Variants in C1GALT1 observed in about 807,000 individuals in gnomAD.
C1GALT1 encodes glycoprotein-N-acetylgalactosamine 3-beta-galactosyltransferase 1.
C1GALT1 carries 11 observed loss-of-function variants against 31.0 expected under a neutral mutation model. The ratio of observed to expected loss-of-function variants is 0.36; its 90% CI spans 0.22 to 0.59. C1GALT1 has a LOEUF of 0.59. Ranked by LOEUF, C1GALT1 falls within the 20% of genes least tolerant of loss-of-function variation. The probability of loss-of-function intolerance (pLI) is 0.79; values close to 1 mark genes in which losing one functional copy is unlikely to be tolerated. For missense variants in C1GALT1, 424 were observed against 425.2 expected, an observed-to-expected ratio of 1.00 and a Z score of 0.03; for synonymous variants, 175 against 143.6, an observed-to-expected ratio of 1.22 and a Z score of -1.56.
At chr7:7,220,182 T>C (rs17165258) in intron 1 of C1GALT1, among the ~76,000 whole-genome samples, 9,256 of 152,280 alleles carry the variant, frequency 0.061, 345 homozygotes, top group East Asian at 0.16. Context: ...TAGCAAGCAA[T>C]TAAAATTAAT....
chr7:7,182,868 T>TC, intron 1 of C1GALT1, 48 bp downstream of exon 1: 1 of 984,014 alleles, frequency 1.0e-6, no homozygotes, highest in Non-Finnish European at 1.2e-6. Flanking sequence ...AGGTCTCGTC[T>TC]CCCCTCGCCC....
In C1GALT1 at chr7:7,238,403, A is replaced by G. The variant is rs780891272; in HGVS notation, c.369A>G (p.Ser123=). 6.8e-6 allele frequency: 11 copies of G among 1,614,102 alleles called. 1 individual carries two copies. The highest frequency in any genetic ancestry group is 8.5e-6 in the Non-Finnish European group (10 of 1,179,982). The part of the protein sequence containing the change: ...QRCNKVLFMS[S]EENKDFPAVG... ...GTAACAAAGTGTTGTTTATGAGTTC[A>G]GAAGAAAATAAAGACTTCCCTGCTG... Residue 123 remains serine (S), a synonymous_variant, in exon 3 of 4, where the codon TCA becomes TCG. Coordinates refer to ENST00000436587, the MANE Select transcript of C1GALT1 (RefSeq NM_020156.5). The surrounding 1 kb of genome is among the most constrained non-coding windows in gnomAD (Gnocchi z 5.2).
intron 1 of C1GALT1, among the ~76,000 whole-genome samples, chr7:7,185,082 A>G (rs563847601): frequency 6.6e-6 from 1 of 152,330 alleles, no homozygotes; most frequent in Non-Finnish European, 1.5e-5. Context: ...ATGTGAGAAT[A>G]GGAAGAGGGA....
At chr7:7,220,298 G>T (rs1268829681) in intron 1 of C1GALT1, among the ~76,000 whole-genome samples, 1 of 152,170 alleles carries the variant, frequency 6.6e-6, no homozygotes, top group Non-Finnish European at 1.5e-5. Flanking sequence ...ATTACTCAGT[G>T]TTAGCTATTT....
chr7:7,239,245 A>G (rs1783512640), intron 3 of C1GALT1, among the ~76,000 whole-genome samples: 1 of 152,210 alleles, frequency 6.6e-6, no homozygotes. Context: ...GTAAATATAA[A>G]ATAGGATTTT....
intron 2 of C1GALT1, among the ~76,000 whole-genome samples, chr7:7,161,757 TA>T (rs566786284): frequency 6.6e-6 from 1 of 152,194 alleles, no homozygotes; most frequent in African/African-American, 2.4e-5. Context: ...ACAATGGTAT[TA>T]AAAAAATTAG....
intron 1 of C1GALT1, among the ~76,000 whole-genome samples, chr7:7,225,448 G>A (rs970512319): frequency 6.6e-6 from 1 of 152,156 alleles, no homozygotes; most frequent in African/African-American, 2.4e-5. Flanking sequence ...CAGCTTGGCA[G>A]CTTACATCTG....
At chr7:7,166,838 G>A (rs117722129) in intron 2 of C1GALT1, among the ~76,000 whole-genome samples, 283 of 152,306 alleles carry the variant, frequency 1.9e-3, no homozygotes, top group Non-Finnish European at 3.2e-3. Flanking sequence ...TAAGCATGCC[G>A]CAGTAGTTAT....
At chr7:7,233,194 A>G (rs1390381393) in intron 1 of C1GALT1, among the ~76,000 whole-genome samples, 2 of 152,128 alleles carry the variant, frequency 1.3e-5, no homozygotes, top group Admixed American at 6.5e-5. Flanking sequence ...CAGGTACCCT[A>G]CTTAATCTCG....
chr7:7,216,673 A>G (rs4278083), intron 1 of C1GALT1, among the ~76,000 whole-genome samples: 20,896 of 152,238 alleles, frequency 0.14, 1,690 homozygotes, highest in East Asian at 0.37. Context: ...ATTAAGTACT[A>G]TCTTAATCGG....
chr7:7,228,265 C>T (rs2097093237), intron 1 of C1GALT1, among the ~76,000 whole-genome samples: 1 of 152,128 alleles, frequency 6.6e-6, no homozygotes, highest in Admixed American at 6.5e-5. Flanking sequence ...TAGCATAAAG[C>T]TGTCCCTTTA....
At chr7:7,229,812 G>A (rs527898458) in intron 1 of C1GALT1, among the ~76,000 whole-genome samples, 1 of 152,320 alleles carries the variant, frequency 6.6e-6, no homozygotes, top group Non-Finnish European at 1.5e-5. Flanking sequence ...ACAGCAGAAA[G>A]ACATGGTAAA....
chr7:7,175,826 T>C (rs1780500954), intron 2 of C1GALT1, among the ~76,000 whole-genome samples: 1 of 152,130 alleles, frequency 6.6e-6, no homozygotes. Flanking sequence ...TTCTGGTTTA[T>C]AGATGATAGG....
At chr7:7,229,118 G>T (rs973108886) in intron 1 of C1GALT1, among the ~76,000 whole-genome samples, 2 of 152,166 alleles carry the variant, frequency 1.3e-5, no homozygotes, top group African/African-American at 4.8e-5. Context: ...AGTGCTTTCT[G>T]CCTAAGTGGT....
intron 3 of C1GALT1, among the ~76,000 whole-genome samples, chr7:7,240,236 A>G (rs114541604): frequency 1.3e-5 from 2 of 152,306 alleles, no homozygotes; most frequent in African/African-American, 4.8e-5. Context: ...GAAACCCACT[A>G]CATTATAAAC....
At chr7:7,199,586 A>T (rs976133760) in intron 1 of C1GALT1, among the ~76,000 whole-genome samples, 1 of 144,500 alleles carries the variant, frequency 6.9e-6, no homozygotes, top group African/African-American at 2.7e-5. Context: ...CAATTCCTGG[A>T]TATCCTTGTT....
At position 7,248,150 on chromosome 7, in the gene C1GALT1, T is replaced by G. The variant is rs1783921818; in HGVS notation, c.*4423T>G. The G allele has an allele frequency of 6.6e-6, 1 of 152,036 alleles. No individual in the cohort carries two copies. The highest frequency in any genetic ancestry group is 6.5e-5 in the Admixed American group (1 of 15,268). The allele number at this position is 152,036 out of a possible 1,614,324, so 9.4% of individuals were successfully genotyped here. A position where few individuals can be genotyped will look rare whatever the true frequency, so the allele number is the denominator to read the frequency against. On this transcript the variant is annotated 3_prime_UTR_variant, in exon 4 of 4. Coordinates refer to ENST00000436587, the MANE Select transcript of C1GALT1 (RefSeq NM_020156.5). Reference sequence around the variant, plus strand: ...AAATGTTAATGTAACCTCTGTTGATTTTTTAAAAATGTGTTTATATATAAG... The same window carrying G: ...AAATGTTAATGTAACCTCTGTTGATGTTTTAAAAATGTGTTTATATATAAG...
intron 1 of C1GALT1, among the ~76,000 whole-genome samples, chr7:7,226,330 G>T (rs1782757288): frequency 1.3e-5 from 2 of 151,948 alleles, no homozygotes; most frequent in African/African-American, 2.4e-5. Flanking sequence ...GTACCTGATT[G>T]TCACCTTGGC....
At chr7:7,179,358 A>G (rs563642784), upstream of C1GALT1, among the ~76,000 whole-genome samples, 15 of 152,192 alleles carry the variant, frequency 9.9e-5, no homozygotes, top group East Asian at 2.9e-3. Context: ...TAATTTGTGA[A>G]CATATTTTAA....
Sources: allele counts gnomAD v4.1 joint callset (sites outside exome capture counted in the v4.1 genomes callset), GRCh38; gene constraint gnomAD v4.1.1; non-coding constraint Gnocchi (gnomAD v3.1); transcripts MANE v1.5; gene names NCBI Gene and HGNC (gene_info 2026-07-23, HGNC 2026-07-21).